NELL1: variants seen among roughly 807,000 people sequenced by gnomAD.
NELL1 encodes protein kinase C-binding protein NELL1.
NELL1 carries 76 observed loss-of-function variants against 107.4 expected under a neutral mutation model. That is an observed-to-expected ratio of 0.71 (90% CI 0.59 to 0.86). NELL1 has a LOEUF of 0.86. Among genes scored for constraint, NELL1 ranks in the 40% least tolerant of loss-of-function variants. The pLI is 0.00. For missense variants in NELL1, 1,024 were observed against 1,005.5 expected, an observed-to-expected ratio of 1.02 and a Z score of -0.25; for synonymous variants, 353 against 341.2, an observed-to-expected ratio of 1.03 and a Z score of -0.38.
intron 14 of NELL1, chr11:21,283,552 T>C (rs1488810591): frequency 1.3e-5 from 2 of 152,678 alleles, no homozygotes; most frequent in African/African-American, 4.8e-5. Flanking sequence ...TAGTGAATTA[T>C]TATCTAGATC....
At chr11:20,677,441 C>G (rs187474150) in intron 1 of NELL1, among the ~76,000 whole-genome samples, 304 of 152,262 alleles carry the variant, frequency 2.0e-3, no homozygotes, top group African/African-American at 6.8e-3. Context: ...CATCTGACAG[C>G]AAAACCTATC....
chr11:21,513,000 C>T (rs1021231673), intron 15 of NELL1, among the ~76,000 whole-genome samples: 1 of 152,062 alleles, frequency 6.6e-6, no homozygotes, highest in Non-Finnish European at 1.5e-5. Flanking sequence ...GTTAATGGCA[C>T]CTATTTCCCT....
At chr11:21,466,389 T>C (rs986856218) in intron 15 of NELL1, among the ~76,000 whole-genome samples, 7 of 152,100 alleles carry the variant, frequency 4.6e-5, no homozygotes, top group African/African-American at 1.7e-4. Context: ...CAGAGTTCTC[T>C]GGCTAAGCCA....
In NELL1 at chr11:21,017,637, C is replaced by T. The variant is rs1343481091; in HGVS notation, c.1300+57077C>T. ...TGAAGCTCTTTGAACATATTATATA[C>T]TTCTTAATATTTTGTGTCCGCTACT... is the stretch of plus-strand genomic sequence containing the variant. On this transcript the variant is annotated intron_variant, in intron 12 of 19. Transcript: ENST00000357134. Among the ~76,000 whole-genome samples the T allele has an allele frequency of 3.3e-5, 5 of 152,162 alleles. No homozygotes were observed. The East Asian group carries it at 7.8e-4, about 24-fold the overall frequency.
chr11:20,904,016 G>A (rs1370617740), intron 5 of NELL1, among the ~76,000 whole-genome samples: 1 of 152,120 alleles, frequency 6.6e-6, no homozygotes, highest in African/African-American at 2.4e-5. Context: ...TGGTTGTGGA[G>A]TGAGCAGAGC....
At chr11:20,670,887 A>G (rs1233109026) in intron 1 of NELL1, among the ~76,000 whole-genome samples, 1 of 152,202 alleles carries the variant, frequency 6.6e-6, no homozygotes, top group East Asian at 1.9e-4. Context: ...TCTCTAGGCC[A>G]AAGAGCAAGT....
In NELL1 at chr11:21,575,358, T is replaced by C. The variant is rs1052334178; in HGVS notation, c.*336T>C. ...TGGTAAATGTTGATGTATTTTTTGG[T>C]TTATTTTGTGTACTAACATAATAGA... On this transcript the variant is annotated 3_prime_UTR_variant, in exon 20 of 20. Transcript: ENST00000357134. The C allele has an allele frequency of 4.5e-6, 1 of 223,644 alleles. No individual in the cohort carries two copies. Among genetic ancestry groups the C allele is most frequent in the African/African-American group, 2.3e-5 (1 of 44,262 alleles). 13.9% of individuals were successfully genotyped at this position (223,644 alleles called of 1,614,324 possible). A position where few individuals can be genotyped will look rare whatever the true frequency, so the allele number is the denominator to read the frequency against.
At chr11:21,147,899 T>C (rs974808788) in intron 13 of NELL1, among the ~76,000 whole-genome samples, 1 of 145,320 alleles carries the variant, frequency 6.9e-6, no homozygotes, top group East Asian at 2.1e-4. Flanking sequence ...TTTTTAGATA[T>C]CTTAGAAAAG....
chr11:21,221,434 G>T (rs942393888), intron 13 of NELL1, among the ~76,000 whole-genome samples: 1 of 152,078 alleles, frequency 6.6e-6, no homozygotes, highest in Admixed American at 6.5e-5. Context: ...TTCAGTTTTT[G>T]TAATAATTTA....
intron 3 of NELL1, among the ~76,000 whole-genome samples, chr11:20,817,241 A>G (rs188645803): frequency 2.9e-4 from 44 of 152,244 alleles, no homozygotes; most frequent in African/African-American, 9.9e-4. Flanking sequence ...TATGTTTGGT[A>G]GAATTTGGCA....
At position 20,812,824 on chromosome 11, in the gene NELL1, C is replaced by T. The variant is rs867935509; in HGVS notation, c.335+28994C>T. The stretch of plus-strand genomic sequence containing the variant: ...GAGATCGAGACCATCCTGGCTAACA[C>T]GGTGAAACCCCGTCTGTACTAAAAA... On this transcript the variant is annotated intron_variant, in intron 3 of 19. Transcript: ENST00000357134. Among the ~76,000 whole-genome samples, 1,033 of 150,704 alleles carry T rather than the reference C, an allele frequency of 6.9e-3. 12 individuals are homozygous for T. Among genetic ancestry groups the T allele is most frequent in the African/African-American group, 0.024 (987 of 41,046 alleles).
At chr11:21,403,865 A>G (rs1469579742) in intron 15 of NELL1, among the ~76,000 whole-genome samples, 1 of 150,394 alleles carries the variant, frequency 6.6e-6, no homozygotes, top group African/African-American at 2.5e-5. Flanking sequence ...GAAGCACACT[A>G]TTTAGCTATC....
chr11:21,272,550 G>C (rs1590791720), intron 14 of NELL1, among the ~76,000 whole-genome samples: 1 of 152,192 alleles, frequency 6.6e-6, no homozygotes, highest in Non-Finnish European at 1.5e-5. Flanking sequence ...GCCTTGAAGA[G>C]AGTAGTGGTT....
At chr11:21,490,232 A>G (rs1011611989) in intron 15 of NELL1, among the ~76,000 whole-genome samples, 6 of 151,998 alleles carry the variant, frequency 3.9e-5, no homozygotes, top group African/African-American at 1.2e-4. Flanking sequence ...AATTTTACCA[A>G]TGAGGAAAAG....
intron 12 of NELL1, among the ~76,000 whole-genome samples, chr11:21,032,255 G>A (rs112768789): frequency 1.2e-4 from 18 of 152,036 alleles, no homozygotes; most frequent in Non-Finnish European, 2.1e-4. Flanking sequence ...TAACTTCACT[G>A]GCTTTGAAGT....
At chr11:20,934,466 G>A (rs1051718329) in intron 9 of NELL1, among the ~76,000 whole-genome samples, 1 of 152,232 alleles carries the variant, frequency 6.6e-6, no homozygotes, top group South Asian at 2.1e-4. Flanking sequence ...CATGTGTGGT[G>A]TGAATGTAAA....
At chr11:20,814,601 C>T (rs116085052) in intron 3 of NELL1, among the ~76,000 whole-genome samples, 3 of 152,204 alleles carry the variant, frequency 2.0e-5, no homozygotes, top group Non-Finnish European at 4.4e-5. Flanking sequence ...CCTTCAGCTA[C>T]GTCCATGTTG....
chr11:21,553,874 C>T (rs1856646228), intron 16 of NELL1, among the ~76,000 whole-genome samples: 1 of 151,804 alleles, frequency 6.6e-6, no homozygotes, highest in East Asian at 1.9e-4. Context: ...TAATTCTTTT[C>T]AGCAAAGGAT....
At chr11:20,929,432 C>G (rs1850569864) in intron 9 of NELL1, among the ~76,000 whole-genome samples, 1 of 148,316 alleles carries the variant, frequency 6.7e-6, no homozygotes, top group African/African-American at 2.5e-5. Context: ...ACTTTGTAAT[C>G]TTCCTTTTTT....
Sources: gnomAD v4.1 joint callset for allele counts (sites outside exome capture counted in the v4.1 genomes callset) on GRCh38, gnomAD v4.1.1 for gene constraint, MANE v1.5 for transcripts, NCBI Gene and HGNC (gene_info 2026-07-23, HGNC 2026-07-21) for gene names.